PLCG2: variants seen among roughly 807,000 people sequenced by gnomAD.
PLCG2 encodes the protein phospholipase C gamma 2.
In PLCG2, 69 loss-of-function variants were observed where a neutral mutation model predicts 175.6. The ratio of observed to expected loss-of-function variants is 0.39; its 90% CI spans 0.32 to 0.48. PLCG2 has a LOEUF of 0.48. Ranked by LOEUF, PLCG2 falls within the 20% of genes least tolerant of loss-of-function variation. PLCG2 has a pLI of 0.91. For synonymous variants in PLCG2, 827 were observed against 624.0 expected, an observed-to-expected ratio of 1.33 and a Z score of -4.85; for missense variants, 1,798 against 1,650.9, an observed-to-expected ratio of 1.09 and a Z score of -1.54.
chr16:81,844,108 C>T (rs1340287782), intron 2 of PLCG2, among the ~76,000 whole-genome samples: 2 of 144,562 alleles, frequency 1.4e-5, no homozygotes, highest in African/African-American at 5.1e-5. Context: ...TCCCGAGTAG[C>T]TGGGACTACA....
chr16:81,742,248 G>A (rs113887498), intron 1 of PLCG2, among the ~76,000 whole-genome samples: 1 of 151,802 alleles, frequency 6.6e-6, no homozygotes, highest in African/African-American at 2.4e-5. Context: ...CGAGTACATA[G>A]TACCCCTGGA....
intron 11 of PLCG2, among the ~76,000 whole-genome samples, chr16:81,893,296 C>T (rs543393414): frequency 2.6e-5 from 4 of 152,350 alleles, no homozygotes; most frequent in East Asian, 3.9e-4. Context: ...AATATCTGTT[C>T]TGTGCCTGGC....
chr16:81,794,714 T>C (rs560904571), intron 2 of PLCG2, among the ~76,000 whole-genome samples: 7 of 152,226 alleles, frequency 4.6e-5, no homozygotes, highest in Non-Finnish European at 1.0e-4. Flanking sequence ...GCACAGAGGA[T>C]GTGCTTAAGT....
intron 2 of PLCG2, among the ~76,000 whole-genome samples, chr16:81,803,958 G>A (rs1303948450): frequency 6.6e-6 from 1 of 152,168 alleles, no homozygotes; most frequent in African/African-American, 2.4e-5. Flanking sequence ...TGGGATTACA[G>A]GTATGAGCCA....
chr16:81,934,053 G>A (rs1414550649), intron 25 of PLCG2, among the ~76,000 whole-genome samples: 1 of 152,170 alleles, frequency 6.6e-6, no homozygotes, highest in Admixed American at 6.5e-5. Flanking sequence ...CAGAGCCCCC[G>A]AGGATTTGAA....
intron 20 of PLCG2, 139 bp downstream of exon 20, chr16:81,919,803 C>A: frequency 1.5e-6 from 1 of 667,542 alleles, no homozygotes; most frequent in South Asian, 2.0e-5. Context: ...AAATTGAGCA[C>A]AACAAAGACC....
At chr16:81,929,022 G>A (rs12448089) in intron 24 of PLCG2, among the ~76,000 whole-genome samples, 104,041 of 152,000 alleles carry the variant, frequency 0.68, 36,309 homozygotes, top group East Asian at 0.81. Flanking sequence ...CTCTGTCGCT[G>A]TGAGACTACA....
At chr16:81,780,265 T>C (rs1423020017) in intron 1 of PLCG2, among the ~76,000 whole-genome samples, 3 of 152,196 alleles carry the variant, frequency 2.0e-5, no homozygotes, top group South Asian at 2.1e-4. Flanking sequence ...AAGAACCTTT[T>C]TGAGTCTGTT....
chr16:81,936,300 G>A lies in PLCG2; in HGVS notation c.2974G>A (p.Val992Ile). Residue 992 changes from valine (V) to isoleucine (I), a missense_variant, in exon 27 of 33, where the codon GTT becomes ATT. Transcript: ENST00000564138. ...CCGCGTCTACCCAAAGGGACAAAGA[G>A]TTGACTCTTCAAACTACGACCCCTT... The part of the protein sequence containing the change: ...LTRVYPKGQR[V>I]DSSNYDPFRL... The A allele has an allele frequency of 6.2e-7, 1 of 1,614,196 alleles. No individual in the cohort carries two copies.
chr16:81,771,240 G>T (rs563167116), intron 2 of PLCG2, among the ~76,000 whole-genome samples: 2 of 151,966 alleles, frequency 1.3e-5, no homozygotes, highest in Admixed American at 6.6e-5. Context: ...ACTTCTTTTT[G>T]TGTGTGAGAA....
intron 2 of PLCG2, among the ~76,000 whole-genome samples, chr16:81,826,399 T>G (rs776313718): frequency 1.5e-4 from 23 of 152,220 alleles, no homozygotes; most frequent in Non-Finnish European, 2.8e-4. Flanking sequence ...GCAGGTTCCC[T>G]GGGCTCCAGT....
intron 5 of PLCG2, among the ~76,000 whole-genome samples, chr16:81,865,616 G>A (rs544112188): frequency 6.6e-6 from 1 of 152,324 alleles, no homozygotes; most frequent in South Asian, 2.1e-4. Flanking sequence ...ACATGGGATG[G>A]TTCCTTTGCC....
chr16:81,908,542 C>G lies in PLCG2; in HGVS notation c.1684C>G (p.Leu562Val), dbSNP rs1235199226. The change falls in exon 17 of 33, where the codon CTG (leucine) becomes GTG (valine). Residue 562 changes from leucine (L) to valine (V), a missense_variant. Leu to Val is a conservative substitution (Grantham distance 32). Transcript: ENST00000564138. The part of the protein sequence containing the change: ...METGGKDGTF[L>V]VRESETFPND... ...GACGGGGGGCAAGGATGGCACCTTC[C>G]TGGTTCGGGAGAGCGAGACCTTCCC... 1 of 1,613,438 alleles carries G rather than the reference C, an allele frequency of 6.2e-7. No individual in the cohort carries two copies. Among genetic ancestry groups the G allele is most frequent in the South Asian group, 1.1e-5 (1 of 91,052 alleles).
At chr16:81,871,026 T>C (rs1907488561) in intron 7 of PLCG2, 91 bp downstream of exon 7, 1 of 650,684 alleles carries the variant, frequency 1.5e-6, no homozygotes, top group South Asian at 1.9e-5. Context: ...CCACAAGAAG[T>C]GTTGAATCTC....
intron 2 of PLCG2, among the ~76,000 whole-genome samples, chr16:81,833,745 G>C (rs767255279): frequency 1.3e-5 from 2 of 151,984 alleles, no homozygotes; most frequent in African/African-American, 2.4e-5. Context: ...GCCAAGGTGA[G>C]GGTGTTGCCT....
chr16:81,841,433 A>G (rs1457745520), intron 2 of PLCG2, among the ~76,000 whole-genome samples: 2 of 151,934 alleles, frequency 1.3e-5, no homozygotes, highest in African/African-American at 4.8e-5. Flanking sequence ...TAGAGACAGC[A>G]TTTCACTATG....
At position 81,956,742 on chromosome 16, in the gene PLCG2, G is replaced by A. The variant is rs778651313; in HGVS notation, c.3618G>A (p.Arg1206=). The change falls in exon 32 of 33, where the codon CGG becomes CGA. Residue 1206 remains arginine (R), a synonymous_variant. Transcript: ENST00000564138. ...LYSSCRQLRR[R]QEELNNQLFL... The stretch of plus-strand genomic sequence containing the variant: ...CCTCCTGTCGCCAGCTGAGGAGGCG[G>A]CAAGAAGAACTGAACAACCAGCTCT... The A allele has an allele frequency of 2.5e-6, 4 of 1,614,010 alleles. No homozygotes were observed. Among genetic ancestry groups the A allele is most frequent in the Admixed American group, 1.7e-5 (1 of 60,002 alleles).
intron 2 of PLCG2, among the ~76,000 whole-genome samples, chr16:81,805,524 C>T (rs570051697): frequency 3.1e-4 from 44 of 142,088 alleles, no homozygotes; most frequent in African/African-American, 1.1e-3. Flanking sequence ...AAAAACAAAA[C>T]GCAAGAAAAC....
chr16:81,931,723 G>A, intron 25 of PLCG2, 69 bp downstream of exon 25: 2 of 1,438,584 alleles, frequency 1.4e-6, no homozygotes, highest in East Asian at 2.3e-5. Context: ...AGTTGGGACT[G>A]TGGGTGGGTC....
Sources: allele counts gnomAD v4.1 joint callset (sites outside exome capture counted in the v4.1 genomes callset), GRCh38; gene constraint gnomAD v4.1.1; transcripts MANE v1.5; gene names NCBI Gene and HGNC (gene_info 2026-07-23, HGNC 2026-07-21).